The following LOC400499 variants were observed in gnomAD, a reference collection of about 807,000 sequenced individuals.
At chr16:11,392,230 C>T in the LOC400499 span, 1 of 399,014 alleles carries the variant, frequency 2.5e-6, no homozygotes, top group Middle Eastern at 6.3e-4. Context: ...AGCTGGACCC[C>T]AAGGGCTCGG....
the LOC400499 span, chr16:11,471,416 G>C: frequency 2.7e-6 from 1 of 372,092 alleles, no homozygotes; most frequent in East Asian, 3.9e-5. Flanking sequence ...AACCAAGGCA[G>C]GCTTCCCTGA....
chr16:11,383,211 G>T, the LOC400499 span, among the ~76,000 whole-genome samples: 187 of 151,852 alleles, frequency 1.2e-3, no homozygotes, highest in African/African-American at 4.1e-3. Context: ...GACTACAGGC[G>T]CCCGCAACCA....
At chr16:11,417,057 A>G in the LOC400499 span, among the ~76,000 whole-genome samples, 87 of 152,036 alleles carry the variant, frequency 5.7e-4, no homozygotes, top group Non-Finnish European at 9.9e-4. Context: ...TGTTGCTTTT[A>G]TCTTCCCACC....
the LOC400499 span, among the ~76,000 whole-genome samples, chr16:11,463,395 A>T: frequency 1.3e-5 from 2 of 149,502 alleles, no homozygotes; most frequent in African/African-American, 4.9e-5. Flanking sequence ...TGTGTGTATG[A>T]ATGTGTGTGG....
chr16:11,387,603 G>A, the LOC400499 span, among the ~76,000 whole-genome samples: 2 of 151,416 alleles, frequency 1.3e-5, no homozygotes. Context: ...CTTATGTGTG[G>A]GGATGCCGAG....
chr16:11,390,404 C>G, the LOC400499 span: 2 of 1,249,516 alleles, frequency 1.6e-6, no homozygotes, highest in Non-Finnish European at 2.0e-6. Flanking sequence ...TCCCGCCACA[C>G]CTCCTCCAGG....
chr16:11,425,712 T>C, the LOC400499 span, among the ~76,000 whole-genome samples: 1 of 152,092 alleles, frequency 6.6e-6, no homozygotes, highest in African/African-American at 2.4e-5. Flanking sequence ...CTGTATACGT[T>C]TTCCAAAAAA....
At chr16:11,460,997 T>G in the LOC400499 span, 24 of 1,535,818 alleles carry the variant, frequency 1.6e-5, no homozygotes, top group African/African-American at 2.9e-4. Context: ...AGGGAGTTGG[T>G]CCAGAGCTGG....
the LOC400499 span, chr16:11,424,175 G>C: frequency 2.5e-6 from 1 of 399,436 alleles, no homozygotes; most frequent in Non-Finnish European, 4.4e-6. Flanking sequence ...GCATGGTGTG[G>C]GTGTGACGGA....
At chr16:11,383,870 C>CCAGGCT in the LOC400499 span, 1 of 1,232,206 alleles carries the variant, frequency 8.1e-7, no homozygotes, top group Non-Finnish European at 1.0e-6. Context: ...ACCCCATGGG[C>CCAGGCT]CAGGCTCACA....
chr16:11,377,999 C>G, the LOC400499 span, among the ~76,000 whole-genome samples: 1 of 152,120 alleles, frequency 6.6e-6, no homozygotes, highest in South Asian at 2.1e-4. Flanking sequence ...TCTTCTATTT[C>G]ATTTATTTCT....
the LOC400499 span, chr16:11,446,998 C>T: frequency 7.1e-7 from 1 of 1,416,244 alleles, no homozygotes; most frequent in African/African-American, 1.4e-5. Context: ...TCAGCCTGGG[C>T]CTGTCACGAG....
At chr16:11,374,300 C>CAG in the LOC400499 span, among the ~76,000 whole-genome samples, 1 of 152,128 alleles carries the variant, frequency 6.6e-6, no homozygotes, top group Non-Finnish European at 1.5e-5. Context: ...ATGCCTAGCA[C>CAG]AGAGATGCTC....
chr16:11,496,733 T>C, the LOC400499 span, among the ~76,000 whole-genome samples: 1 of 152,162 alleles, frequency 6.6e-6, no homozygotes. Flanking sequence ...GGTGTGCCTA[T>C]GCATGTGTCC....
chr16:11,502,884 G>GATT, the LOC400499 span, among the ~76,000 whole-genome samples: 1 of 147,344 alleles, frequency 6.8e-6, no homozygotes, highest in Non-Finnish European at 1.5e-5. Flanking sequence ...AAAGTGCTGG[G>GATT]ATTATAGGCA....
the LOC400499 span, chr16:11,477,008 G>T: frequency 2.5e-6 from 1 of 399,928 alleles, no homozygotes; most frequent in South Asian, 1.3e-4. Context: ...TCCCACCTGC[G>T]ACCCCCAGCA....
At chr16:11,510,084 G>C in the LOC400499 span, among the ~76,000 whole-genome samples, 1 of 151,560 alleles carries the variant, frequency 6.6e-6, no homozygotes, top group Non-Finnish European at 1.5e-5. Context: ...GGTGATGGCA[G>C]AAACTGCCCT....
chr16:11,461,120 C>T, the LOC400499 span: 2 of 1,532,824 alleles, frequency 1.3e-6, no homozygotes, highest in Non-Finnish European at 8.7e-7. Flanking sequence ...TCCAGCAGTG[C>T]TGCAGGGACA....
chr16:11,441,012 C>T, the LOC400499 span: 1 of 399,070 alleles, frequency 2.5e-6, no homozygotes, highest in African/African-American at 2.1e-5. Context: ...ATGATGCAAA[C>T]CCTTCAAGTG....
Sources: allele counts gnomAD v4.1 joint callset (sites outside exome capture counted in the v4.1 genomes callset), GRCh38; gene constraint gnomAD v4.1.1; transcripts MANE v1.5.